Variants in CDH13 observed in about 807,000 individuals in gnomAD.
CDH13 encodes the protein cadherin 13, also known as cadherin-13.
In CDH13, 24 loss-of-function variants were observed where a neutral mutation model predicts 63.8. The ratio of observed to expected loss-of-function variants is 0.38; its 90% CI spans 0.27 to 0.53. The LOEUF (loss-of-function observed/expected upper bound fraction) is 0.53, where lower values mean the gene tolerates loss of function less well. CDH13 is among the 20% of genes least tolerant of loss of function. The pLI is 0.85. For synonymous variants in CDH13, 503 were observed against 355.3 expected (o/e 1.42, Z -4.67); for missense variants, 1,049 against 903.1 (o/e 1.16, Z -2.07).
At chr16:82,794,382 G>C (rs1294283267) in intron 1 of CDH13, among the ~76,000 whole-genome samples, 1 of 150,390 alleles carries the variant, frequency 6.6e-6, no homozygotes, top group Non-Finnish European at 1.5e-5. Context: ...TAAATCATCT[G>C]AACATCAGAA....
rs142740082 is a variant in CDH13, at chr16:82,652,327, G to A, written c.45+25190G>A. 2.9e-3 allele frequency among the ~76,000 whole-genome samples: 439 copies of A among 152,294 alleles called. 1 individual carries two copies. The highest frequency in any genetic ancestry group is 4.2e-3 in the Non-Finnish European group (285 of 68,028). On this transcript the variant is annotated intron_variant, in intron 1 of 13. Transcript: ENST00000567109. ...TCAGAAGGTTCTGTTTCTCACCTGG[G>A]CCAGGATTGTGCCTGTGGTTTTTGT...
chr16:83,030,629 CAA>C (rs1916217039), intron 2 of CDH13, among the ~76,000 whole-genome samples: 1 of 115,112 alleles, frequency 8.7e-6, no homozygotes, highest in African/African-American at 3.5e-5. Flanking sequence ...GATGACAGAG[CAA>C]GACTCTGTTA....
At chr16:83,472,728 A>C (rs78676512) in intron 6 of CDH13, among the ~76,000 whole-genome samples, 3,825 of 152,298 alleles carry the variant, frequency 0.025, 167 homozygotes, top group African/African-American at 0.086. Flanking sequence ...TTTAAAACCA[A>C]AAATGAAACA....
intron 2 of CDH13, among the ~76,000 whole-genome samples, chr16:82,986,741 G>A (rs1910988553): frequency 6.6e-6 from 1 of 152,162 alleles, no homozygotes. Context: ...CAAGTCACAA[G>A]GATAACCCAA....
chr16:83,520,746 A>C (rs1014075720), intron 7 of CDH13, among the ~76,000 whole-genome samples: 2 of 152,222 alleles, frequency 1.3e-5, no homozygotes, highest in African/African-American at 4.8e-5. Flanking sequence ...TTTTAGAGCC[A>C]GAACAGGACG....
At chr16:83,052,796 A>T (rs867557193) in intron 3 of CDH13, among the ~76,000 whole-genome samples, 1 of 150,874 alleles carries the variant, frequency 6.6e-6, no homozygotes, top group Admixed American at 6.6e-5. Context: ...AAAAAAAAAA[A>T]AAAAAAAAGA....
chr16:83,295,252 G>A (rs1296864183), intron 5 of CDH13, among the ~76,000 whole-genome samples: 7 of 152,090 alleles, frequency 4.6e-5, no homozygotes, highest in East Asian at 1.9e-4. Flanking sequence ...AGATTTAAAT[G>A]TAAGACTTGA....
chr16:82,894,099 A>T (rs2041170118), intron 2 of CDH13, among the ~76,000 whole-genome samples: 1 of 152,184 alleles, frequency 6.6e-6, no homozygotes. Context: ...CGTTGTCTGT[A>T]CACCTCCATG....
At chr16:83,722,610 A>G (rs1035537) in intron 10 of CDH13, among the ~76,000 whole-genome samples, 83,958 of 152,080 alleles carry the variant, frequency 0.55, 23,531 homozygotes, top group Admixed American at 0.61. Flanking sequence ...GCCAGAGGTA[A>G]GTGAAATCAA....
intron 1 of CDH13, among the ~76,000 whole-genome samples, chr16:82,754,356 C>T (rs1007175330): frequency 3.3e-5 from 5 of 152,014 alleles, no homozygotes; most frequent in African/African-American, 4.8e-5. Context: ...AATGAATAAC[C>T]GAATGAATGC....
intron 10 of CDH13, among the ~76,000 whole-genome samples, chr16:83,700,584 C>T (rs16961350): frequency 0.17 from 25,218 of 152,166 alleles, 2,605 homozygotes; most frequent in African/African-American, 0.3. Context: ...AAAGTTGCAA[C>T]AGGTGTACAT....
chr16:83,451,085 AG>A (rs2072874860), intron 6 of CDH13, among the ~76,000 whole-genome samples: 1 of 152,170 alleles, frequency 6.6e-6, no homozygotes, highest in Admixed American at 6.5e-5. Flanking sequence ...CCACACTTGG[AG>A]AAACACCTTC....
intron 7 of CDH13, among the ~76,000 whole-genome samples, chr16:83,563,005 G>A (rs1012694160): frequency 6.6e-6 from 1 of 152,192 alleles, no homozygotes; most frequent in Non-Finnish European, 1.5e-5. Context: ...CTCTCTGGGT[G>A]TGTCTCCTCA....
intron 1 of CDH13, among the ~76,000 whole-genome samples, chr16:82,803,730 A>G (rs978520312): frequency 1.3e-5 from 2 of 152,160 alleles, no homozygotes; most frequent in East Asian, 1.9e-4. Context: ...TCACAGAAGG[A>G]CAGAAACTGC....
chr16:83,770,493 C>T (rs566697082), intron 11 of CDH13, among the ~76,000 whole-genome samples: 8 of 152,090 alleles, frequency 5.3e-5, no homozygotes, highest in Admixed American at 1.3e-4. Flanking sequence ...TTAGATCTCA[C>T]GCAAGAAAGA....
At chr16:82,787,746 C>T (rs1292731558) in intron 1 of CDH13, among the ~76,000 whole-genome samples, 1 of 144,772 alleles carries the variant, frequency 6.9e-6, no homozygotes. Context: ...TAATCATGCT[C>T]TTGATTTTAA....
At chr16:82,686,700 T>G (rs1371280464) in intron 1 of CDH13, among the ~76,000 whole-genome samples, 1 of 152,224 alleles carries the variant, frequency 6.6e-6, no homozygotes, top group Non-Finnish European at 1.5e-5. Context: ...CAGGCCTTTC[T>G]TCCTTCCGTT....
At chr16:83,133,521 C>T (rs556831879) in intron 4 of CDH13, among the ~76,000 whole-genome samples, 1 of 152,220 alleles carries the variant, frequency 6.6e-6, no homozygotes, top group Admixed American at 6.5e-5. Context: ...GTTTTTGAGA[C>T]AGAGTCTTGC....
chr16:82,688,376 C>T (rs150714187), intron 1 of CDH13, among the ~76,000 whole-genome samples: 388 of 152,304 alleles, frequency 2.5e-3, no homozygotes, highest in Non-Finnish European at 3.4e-3. Flanking sequence ...GCTTCAGCTT[C>T]CTCAGCTGTA....
Sources: gnomAD v4.1 joint callset for allele counts (sites outside exome capture counted in the v4.1 genomes callset) on GRCh38, gnomAD v4.1.1 for gene constraint, MANE v1.5 for transcripts, NCBI Gene and HGNC (gene_info 2026-07-23, HGNC 2026-07-21) for gene names.